Variants in DPYD observed in about 807,000 individuals in gnomAD.
The protein encoded by DPYD is dihydropyrimidine dehydrogenase, also known as dihydropyrimidine dehydrogenase [NADP(+)].
In DPYD, 109 loss-of-function variants were observed where a neutral mutation model predicts 116.2. The observed-to-expected ratio is 0.94, with a 90% CI of 0.80 to 1.10. DPYD has a LOEUF of 1.10. DPYD is among the 50% of genes least tolerant of loss of function. DPYD has a pLI of 0.00. For missense variants in DPYD, 1,302 were observed against 1,254.5 expected, an observed-to-expected ratio of 1.04 and a Z score of -0.57; for synonymous variants, 440 against 432.0, an observed-to-expected ratio of 1.02 and a Z score of -0.23.
chr1:97,753,099 T>C (rs1057174562), intron 3 of DPYD, among the ~76,000 whole-genome samples: 3 of 152,226 alleles, frequency 2.0e-5, no homozygotes, highest in African/African-American at 7.2e-5. Context: ...GCTAGCACTG[T>C]TCTGTGTGTT....
chr1:97,907,228 C>A (rs1283667682), intron 1 of DPYD, among the ~76,000 whole-genome samples: 1 of 152,012 alleles, frequency 6.6e-6, no homozygotes, highest in Non-Finnish European at 1.5e-5. Flanking sequence ...CTACAAAAAG[C>A]AAAAATTGGA....
intron 20 of DPYD, among the ~76,000 whole-genome samples, chr1:97,099,946 A>G (rs966996828): frequency 1.3e-5 from 2 of 152,136 alleles, no homozygotes; most frequent in South Asian, 2.1e-4. Flanking sequence ...TGTTACTTCC[A>G]TTATCAATTC....
At chr1:97,616,988 T>C (rs1169426987) in intron 8 of DPYD, among the ~76,000 whole-genome samples, 2 of 152,022 alleles carry the variant, frequency 1.3e-5, no homozygotes, top group Non-Finnish European at 2.9e-5. Context: ...CGGGTTCAAG[T>C]GATTCTACTG....
intron 12 of DPYD, chr1:97,546,401 G>A (rs1488166555): frequency 1.3e-6 from 2 of 1,517,668 alleles, no homozygotes; most frequent in African/African-American, 2.7e-5. Context: ...GATAAGGGCA[G>A]TGATTCTGAA....
intron 15 of DPYD, among the ~76,000 whole-genome samples, chr1:97,377,918 G>A (rs1274653602): frequency 6.6e-6 from 1 of 152,236 alleles, no homozygotes; most frequent in African/African-American, 2.4e-5. Context: ...ACGTCCGTGG[G>A]TGATAAGGTC....
intron 3 of DPYD, among the ~76,000 whole-genome samples, chr1:97,770,869 T>A (rs1027044330): frequency 3.3e-5 from 5 of 152,222 alleles, no homozygotes; most frequent in African/African-American, 1.2e-4. Flanking sequence ...TTTGTGCATA[T>A]GTAGCTAAAA....
chr1:97,673,959 A>C (rs1394137869), intron 8 of DPYD, among the ~76,000 whole-genome samples: 2 of 152,222 alleles, frequency 1.3e-5, no homozygotes, highest in African/African-American at 4.8e-5. Context: ...ATTTAATAGG[A>C]GAAGTGACTA....
chr1:97,623,681 G>A (rs1183148363), intron 8 of DPYD, among the ~76,000 whole-genome samples: 4 of 151,746 alleles, frequency 2.6e-5, no homozygotes, highest in Non-Finnish European at 5.9e-5. Flanking sequence ...ATGCAATCAT[G>A]AGCAAAAAGA....
chr1:97,309,919 G>GA (rs1397689654), intron 16 of DPYD, among the ~76,000 whole-genome samples: 1 of 151,716 alleles, frequency 6.6e-6, no homozygotes, highest in Non-Finnish European at 1.5e-5. Flanking sequence ...TTGAGACCCT[G>GA]AAGATGACCT....
At chr1:97,681,522 C>A (rs532628901) in intron 7 of DPYD, among the ~76,000 whole-genome samples, 3 of 151,908 alleles carry the variant, frequency 2.0e-5, no homozygotes, top group African/African-American at 7.3e-5. Flanking sequence ...AGATTAATAA[C>A]GAATATTCAG....
intron 16 of DPYD, among the ~76,000 whole-genome samples, chr1:97,345,777 G>A (rs1193774566): frequency 6.6e-6 from 1 of 151,866 alleles, no homozygotes; most frequent in Non-Finnish European, 1.5e-5. Context: ...ATAACATATA[G>A]TATGCATAGC....
intron 5 of DPYD, chr1:97,721,044 G>A (rs1662895881): frequency 1.0e-5 from 14 of 1,364,426 alleles, no homozygotes; most frequent in East Asian, 2.5e-5. Context: ...TTATTAATGT[G>A]GTTAAATAAC....
chr1:97,505,997 T>C (rs1330643246), intron 13 of DPYD, among the ~76,000 whole-genome samples: 2 of 151,976 alleles, frequency 1.3e-5, no homozygotes, highest in Non-Finnish European at 2.9e-5. Context: ...TGAGTGAATA[T>C]TTAACTAACA....
chr1:97,610,109 A>G (rs1655846652), intron 8 of DPYD, among the ~76,000 whole-genome samples: 1 of 151,990 alleles, frequency 6.6e-6, no homozygotes, highest in Non-Finnish European at 1.5e-5. Flanking sequence ...TTATTTCTAC[A>G]TGAAGGATTC....
At chr1:97,801,099 G>A (rs183232019) in intron 3 of DPYD, among the ~76,000 whole-genome samples, 2 of 151,930 alleles carry the variant, frequency 1.3e-5, no homozygotes, top group East Asian at 3.9e-4. Flanking sequence ...TAATCCCAGT[G>A]GGAAGCCTTT....
chr1:97,830,707 C>CA (rs759967010), intron 2 of DPYD, among the ~76,000 whole-genome samples: 3,315 of 105,536 alleles, frequency 0.031, 142 homozygotes, highest in African/African-American at 0.11. Flanking sequence ...GACTCCATCT[C>CA]AAAAAAAAAA....
intron 3 of DPYD, among the ~76,000 whole-genome samples, chr1:97,746,158 T>C (rs1338870389): frequency 6.6e-6 from 1 of 152,114 alleles, no homozygotes; most frequent in East Asian, 1.9e-4. Context: ...GAAAGTGACT[T>C]GTCCTAAATC....
rs1366343481 is a variant in DPYD at position 97,295,160 on chromosome 1, A to T, written c.2299+10099T>A. Among the ~76,000 whole-genome samples the T allele has an allele frequency of 3.3e-5, 5 of 152,150 alleles. No individual in the cohort carries two copies. In the East Asian group the frequency reaches 9.6e-4, roughly 29 times the overall value. ...TTAAGTATCTAGACTTGAGTCTCTA[A>T]GTCTGCAGAATGGGCCCAATGGTAT... On this transcript the variant is annotated intron_variant, in intron 18 of 22. Coordinates refer to ENST00000370192, the MANE Select transcript of DPYD (RefSeq NM_000110.4).
rs868336300 is a variant in DPYD, at chr1:97,206,664, A to G, written c.2443-13416T>C. On this transcript the variant is annotated intron_variant, in intron 19 of 22. Transcript: ENST00000370192. ...TATATATATATATATATATATATAT[A>G]TATATATATATATATATATATATAA... 9.2e-4 allele frequency among the ~76,000 whole-genome samples: 109 copies of G among 118,452 alleles called. 2 individuals carry two copies. The highest frequency in any genetic ancestry group is 3.1e-3 in the African/African-American group (103 of 33,770). The allele number at this position is 118,452 out of a possible 152,430, so 77.7% of individuals were successfully genotyped here. A position where few individuals can be genotyped will look rare whatever the true frequency, so the allele number is the denominator to read the frequency against.
Sources: allele counts gnomAD v4.1 joint callset (sites outside exome capture counted in the v4.1 genomes callset), GRCh38; gene constraint gnomAD v4.1.1; transcripts MANE v1.5; gene names NCBI Gene and HGNC (gene_info 2026-07-23, HGNC 2026-07-21).